The following PRKD3 variants were observed in gnomAD, a reference collection of about 807,000 sequenced individuals.
The protein encoded by PRKD3 is serine/threonine-protein kinase D3.
PRKD3 carries 47 observed loss-of-function variants against 99.2 expected under a neutral mutation model. The observed-to-expected ratio is 0.47, with a 90% CI of 0.38 to 0.60. PRKD3 has a LOEUF of 0.60. Among genes scored for constraint, PRKD3 ranks in the 20% least tolerant of loss-of-function variants. The pLI is 0.00. For missense variants in PRKD3, 1,019 were observed against 1,088.4 expected, an observed-to-expected ratio of 0.94 and a Z score of 0.90; for synonymous variants, 392 against 355.4, an observed-to-expected ratio of 1.10 and a Z score of -1.16.
rs372633450 is a variant in PRKD3, at chr2:37,293,833, T to C, written c.289-562A>G. On this transcript the variant is annotated intron_variant, in intron 2 of 18. Transcript: ENST00000234179. ...CTGATATCGTTTACCTATTTCATAC[T>C]GTAGCCCTTCTTTGTGAAGACCCAC... 3.9e-5 allele frequency among the ~76,000 whole-genome samples: 6 copies of C among 152,360 alleles called. 1 individual carries two copies. Among genetic ancestry groups the C allele is most frequent in the Admixed American group, 3.3e-4 (5 of 15,296 alleles).
chr2:37,318,364 T>C (rs1001911645), intron 1 of PRKD3, among the ~76,000 whole-genome samples: 3 of 152,198 alleles, frequency 2.0e-5, no homozygotes, highest in Non-Finnish European at 2.9e-5. Flanking sequence ...TCTTTGAAAG[T>C]TGACAGGGTA....
In PRKD3 at chr2:37,251,071, A is replaced by G. The variant is rs1667450351; in HGVS notation, c.*2106T>C. 1 of 152,624 alleles carries G rather than the reference A, an allele frequency of 6.6e-6. No individual in the cohort carries two copies. Among genetic ancestry groups the G allele is most frequent in the Non-Finnish European group, 1.5e-5 (1 of 68,030 alleles). 9.5% of individuals were successfully genotyped at this position (152,624 alleles called of 1,614,324 possible). Reference sequence around the variant, plus strand: ...TCGTTCCAGTTAATTTTCACCTTACATAGTAAAACCACAGTAGATTGATTG... The same window carrying G: ...TCGTTCCAGTTAATTTTCACCTTACGTAGTAAAACCACAGTAGATTGATTG... On this transcript the variant is annotated 3_prime_UTR_variant, in exon 19 of 19. Transcript: ENST00000234179.
intron 16 of PRKD3, among the ~76,000 whole-genome samples, chr2:37,258,544 G>T (rs1452506068): frequency 6.6e-6 from 1 of 152,136 alleles, no homozygotes; most frequent in African/African-American, 2.4e-5. Context: ...CTAAAATAGA[G>T]GTCAGAAAGT....
At position 37,251,303 on chromosome 2, in the gene PRKD3, G is replaced by A. The variant is rs924798508; in HGVS notation, c.*1874C>T. 6.6e-5 allele frequency: 10 copies of A among 152,590 alleles called. No individual in the cohort carries two copies. The highest frequency in any genetic ancestry group is 2.4e-4 in the African/African-American group (10 of 41,432). 9.5% of individuals were successfully genotyped at this position (152,590 alleles called of 1,614,324 possible). On this transcript the variant is annotated 3_prime_UTR_variant, in exon 19 of 19. Transcript: ENST00000234179. ...TCCTGGAGGTATTTATGGGTAGATA[G>A]TACAGCATAATGGTTGGGAGGGCTA...
intron 16 of PRKD3, among the ~76,000 whole-genome samples, chr2:37,259,011 T>C (rs967845848): frequency 3.3e-5 from 5 of 151,200 alleles, no homozygotes; most frequent in African/African-American, 7.3e-5. Flanking sequence ...ATCCATTTCA[T>C]AGGTCATGCA....
chr2:37,269,496 A>G, intron 13 of PRKD3, 119 bp downstream of exon 13: 1 of 787,698 alleles, frequency 1.3e-6, no homozygotes, highest in Middle Eastern at 2.3e-4. Context: ...ATAACAAGTC[A>G]GCCTTTAAAA....
Position 37,260,347 on chromosome 2 carries a change from A to G in PRKD3, c.1922T>C (p.Met641Thr). ...AAAGACTCGTTCTGGGGTTTCAAAC[A>G]TACATTCCAGGTTTACAATCCCAGG... ...HHPGIVNLEC[M>T]FETPERVFVV... Residue 641 changes from methionine to threonine, a missense_variant, in exon 15 of 19, where the codon ATG becomes ACG. Coordinates refer to ENST00000234179, the MANE Select transcript of PRKD3 (RefSeq NM_005813.6). 4 of 1,612,018 alleles carry G rather than the reference A, an allele frequency of 2.5e-6. No homozygotes were observed. Among genetic ancestry groups the G allele is most frequent in the Non-Finnish European group, 3.4e-6 (4 of 1,178,124 alleles).
Position 37,316,755 on chromosome 2 carries a change from T to G in PRKD3, c.-231A>C. 1.5e-6 allele frequency: 2 copies of G among 1,365,422 alleles called. No individual in the cohort carries two copies. Among genetic ancestry groups the G allele is most frequent in the South Asian group, 3.4e-5 (2 of 58,604 alleles). 84.6% of individuals were successfully genotyped at this position (1,365,422 alleles called of 1,614,324 possible). On this transcript the variant is annotated 5_prime_UTR_variant, in exon 2 of 19. Coordinates refer to ENST00000234179, the MANE Select transcript of PRKD3 (RefSeq NM_005813.6). ...TCAGTCCCATCAAAAAGCAGTCTTG[T>G]CTGTAGGAAGACAACCAGGGATTTG...
At chr2:37,289,704 A>AT (rs1049144238) in intron 4 of PRKD3, among the ~76,000 whole-genome samples, 191 bp from the exon 5 acceptor site, 9 of 152,226 alleles carry the variant, frequency 5.9e-5, no homozygotes, top group Non-Finnish European at 1.0e-4. Flanking sequence ...TGTAAAAAGG[A>AT]TAAGTCAGCT....
intron 2 of PRKD3, among the ~76,000 whole-genome samples, chr2:37,294,357 A>C (rs529528596): frequency 2.6e-5 from 4 of 152,212 alleles, no homozygotes; most frequent in Non-Finnish European, 5.9e-5. Context: ...CAGCCTCCCA[A>C]AGTGCTGGGA....
intron 16 of PRKD3, among the ~76,000 whole-genome samples, chr2:37,257,480 G>T (rs192172406): frequency 0.022 from 3,365 of 151,934 alleles, 57 homozygotes; most frequent in Middle Eastern, 0.034. Flanking sequence ...CCTGGCTAAT[G>T]CGGTGAAACC....
At chr2:37,261,916 T>C (rs1668492309) in intron 14 of PRKD3, among the ~76,000 whole-genome samples, 1 of 152,214 alleles carries the variant, frequency 6.6e-6, no homozygotes, top group Non-Finnish European at 1.5e-5. Flanking sequence ...ACCATTCCGT[T>C]TTTTTGAGTA....
intron 2 of PRKD3, among the ~76,000 whole-genome samples, chr2:37,296,897 C>T (rs1314095318): frequency 4.0e-5 from 4 of 100,464 alleles, no homozygotes; most frequent in African/African-American, 1.6e-4. Context: ...GTGACTCTGT[C>T]TCAAAAAAAA....
chr2:37,269,502 T>TA (rs950786977), intron 13 of PRKD3, 113 bp downstream of exon 13: 144 of 838,104 alleles, frequency 1.7e-4, no homozygotes, highest in Non-Finnish European at 2.1e-4. Context: ...AGTCAGCCTT[T>TA]AAAAAAAAGG....
rs1553368295 is a variant in PRKD3, at chr2:37,267,346, T to TTA, written c.1884+83_1884+84insTA. Reference sequence around the variant, plus strand: ...TTACCATAATCTAATTTTGCCTTCTTAAAAAAAAAAAAAAAAGAGAAGCAG... The same window carrying TTA: ...TTACCATAATCTAATTTTGCCTTCTTTAAAAAAAAAAAAAAAAAGAGAAGCAG... On this transcript the variant is annotated intron_variant, in intron 14 of 18. Coordinates refer to ENST00000234179, the MANE Select transcript of PRKD3 (RefSeq NM_005813.6). The TTA allele has an allele frequency of 1.4e-5, 11 of 784,474 alleles. No individual in the cohort carries two copies. The African/African-American group carries it at 2.1e-4, about 15-fold the overall frequency. The allele number at this position is 784,474 out of a possible 1,614,324, so 48.6% of individuals were successfully genotyped here. A position where few individuals can be genotyped will look rare whatever the true frequency, so the allele number is the denominator to read the frequency against.
At position 37,256,747 on chromosome 2, in the gene PRKD3, A is replaced by G; in HGVS notation, c.2328T>C (p.Phe776=). ...GGTCATTTATATCTTCATCCTCATT[A>G]AAAGGAAATGTGCCACTGAGGCTCA... is the stretch of plus-strand genomic sequence containing the variant. The part of the protein sequence containing the change: ...IYVSLSGTFP[F]NEDEDINDQI... The change falls in exon 17 of 19, where the codon TTT becomes TTC. Residue 776 remains phenylalanine (F), a synonymous_variant. Coordinates refer to ENST00000234179, the MANE Select transcript of PRKD3 (RefSeq NM_005813.6). 6.2e-7 allele frequency: 1 copy of G among 1,612,556 alleles called. No homozygotes were observed. The highest frequency in any genetic ancestry group is 8.5e-7 in the Non-Finnish European group (1 of 1,179,872).
chr2:37,260,310 T>C lies in PRKD3; in HGVS notation c.1959A>G (p.Glu653=). 1 of 1,609,332 alleles carries C rather than the reference T, an allele frequency of 6.2e-7. No homozygotes were observed. Among genetic ancestry groups the C allele is most frequent in the South Asian group, 1.1e-5 (1 of 90,954 alleles). Residue 653 remains glutamate, a synonymous_variant, in exon 15 of 19, where the codon GAA becomes GAG. Coordinates refer to ENST00000234179, the MANE Select transcript of PRKD3 (RefSeq NM_005813.6). ...ETPERVFVVM[E]KLHGDMLEMI... ...TTTCCAACATATCTCCATGCAGCTT[T>C]TCCATTACTACAAAGACTCGTTCTG...
At chr2:37,273,268 CAT>C (rs1309275618) in intron 11 of PRKD3, among the ~76,000 whole-genome samples, 2 of 152,060 alleles carry the variant, frequency 1.3e-5, no homozygotes, top group Admixed American at 6.6e-5. Flanking sequence ...ATTAGAATGA[CAT>C]AGAGTTCTGT....
chr2:37,321,673 G>A (rs1262278976), intron 1 of PRKD3, among the ~76,000 whole-genome samples: 1 of 152,174 alleles, frequency 6.6e-6, no homozygotes, highest in Non-Finnish European at 1.5e-5. Context: ...TGTGATGTGA[G>A]ACACAGACAT....
Sources: allele counts gnomAD v4.1 joint callset (sites outside exome capture counted in the v4.1 genomes callset), GRCh38; gene constraint gnomAD v4.1.1; transcripts MANE v1.5; gene names NCBI Gene and HGNC (gene_info 2026-07-23, HGNC 2026-07-21).